The following CCDC38 variants were observed in gnomAD, a reference collection of about 807,000 sequenced individuals.
CCDC38 encodes the protein coiled-coil domain-containing protein 38.
Under a neutral mutation model 72.8 loss-of-function variants are expected in CCDC38, and 69 were observed. That is an observed-to-expected ratio of 0.95 (90% CI 0.78 to 1.16). The LOEUF (loss-of-function observed/expected upper bound fraction) is 1.16, where lower values mean the gene tolerates loss of function less well. CCDC38 is among the 50% of genes most tolerant of loss of function. CCDC38 has a pLI of 0.00. For synonymous variants in CCDC38, 201 were observed against 213.2 expected (o/e 0.94, Z 0.50); for missense variants, 626 against 638.9 (o/e 0.98, Z 0.22).
intron 1 of CCDC38, among the ~76,000 whole-genome samples, chr12:95,941,202 C>A (rs1258925000): frequency 6.6e-6 from 1 of 152,150 alleles, no homozygotes; most frequent in African/African-American, 2.4e-5. Context: ...AATATAATTT[C>A]TTTTAGACTC....
chr12:95,903,607 T>C (rs778583102), intron 5 of CCDC38: 17 of 564,854 alleles, frequency 3.0e-5, no homozygotes, highest in Non-Finnish European at 5.4e-5. Context: ...GAATGAATTT[T>C]GGATATTGTT....
At position 95,881,524 on chromosome 12, in the gene CCDC38, A is replaced by G. The variant is rs779903172; in HGVS notation, c.951T>C (p.Ser317=). ...NLAESFGSED[S]LEFLLDDEMD... The stretch of plus-strand genomic sequence containing the variant: ...TTTCATCATCTAAAAGGAATTCCAA[A>G]CTGTCTTCTGAACCGAAACTTTCAG... The change falls in exon 11 of 16, where the codon AGT becomes AGC. Residue 317 remains serine (S), a synonymous_variant. Coordinates refer to ENST00000344280, the MANE Select transcript of CCDC38 (RefSeq NM_182496.3). The G allele has an allele frequency of 1.2e-6, 2 of 1,610,126 alleles. No individual in the cohort carries two copies. The highest frequency in any genetic ancestry group is 1.7e-6 in the Non-Finnish European group (2 of 1,178,106).
intron 2 of CCDC38, among the ~76,000 whole-genome samples, chr12:95,922,686 C>T (rs770065698): frequency 6.6e-6 from 1 of 152,096 alleles, no homozygotes; most frequent in Non-Finnish European, 1.5e-5. Flanking sequence ...TGAAATATGT[C>T]AAGGCAGCAC....
chr12:95,929,608 A>G (rs1356198766), intron 2 of CCDC38, among the ~76,000 whole-genome samples: 1 of 152,174 alleles, frequency 6.6e-6, no homozygotes, highest in Non-Finnish European at 1.5e-5. Context: ...TAAAATCTCT[A>G]CTGACCAAGG....
At chr12:95,869,200 C>G (rs955950057) in intron 15 of CCDC38, among the ~76,000 whole-genome samples, 8 of 151,732 alleles carry the variant, frequency 5.3e-5, no homozygotes, top group Non-Finnish European at 1.2e-4. Flanking sequence ...TAATCTATTC[C>G]AAAAAACAAG....
At chr12:95,901,171 T>C (rs2079946434) in intron 5 of CCDC38, among the ~76,000 whole-genome samples, 1 of 152,184 alleles carries the variant, frequency 6.6e-6, no homozygotes, top group Admixed American at 6.5e-5. Context: ...ATGGATATAT[T>C]TTGAAAAAGA....
In CCDC38 at chr12:95,881,515, G is replaced by T; in HGVS notation, c.960C>A (p.Phe320Leu). 6.2e-7 allele frequency: 1 copy of T among 1,609,502 alleles called. No individual in the cohort carries two copies. The highest frequency in any genetic ancestry group is 8.5e-7 in the Non-Finnish European group (1 of 1,177,812). The stretch of plus-strand genomic sequence containing the variant: ...CAACGTCCATTTCATCATCTAAAAG[G>T]AATTCCAAACTGTCTTCTGAACCGA... ...ESFGSEDSLE[F>L]LLDDEMDVDL... The change falls in exon 11 of 16, where the codon TTC (phenylalanine) becomes TTA (leucine). Residue 320 changes from phenylalanine (F) to leucine (L), a missense_variant. Phe to Leu is a conservative substitution (Grantham distance 22, BLOSUM62 0). Coordinates refer to ENST00000344280, the MANE Select transcript of CCDC38 (RefSeq NM_182496.3).
rs118134418 is a variant in CCDC38, at chr12:95,881,493, C to T, written c.982G>A (p.Val328Ile). 526 of 1,606,664 alleles carry T rather than the reference C, an allele frequency of 3.3e-4. 1 individual carries two copies. Among genetic ancestry groups the T allele is most frequent in the Non-Finnish European group, 4.3e-4 (500 of 1,176,048 alleles). Reference protein sequence around the residue: ...LEFLLDDEMDVDLEPALYFKE... With the variant: ...LEFLLDDEMDIDLEPALYFKE... ...AAATATAATCTGGTTACCAAATCAACGTCCATTTCATCATCTAAAAGGAAT... is the reference window on the plus strand; with the variant it reads ...AAATATAATCTGGTTACCAAATCAATGTCCATTTCATCATCTAAAAGGAAT... The change falls in exon 11 of 16, where the codon GTT (valine) becomes ATT (isoleucine). Residue 328 changes from valine to isoleucine, a missense_variant. Coordinates refer to ENST00000344280, the MANE Select transcript of CCDC38 (RefSeq NM_182496.3).
intron 5 of CCDC38, among the ~76,000 whole-genome samples, chr12:95,901,528 C>T (rs941986399): frequency 6.6e-6 from 1 of 152,002 alleles, no homozygotes; most frequent in Non-Finnish European, 1.5e-5. Flanking sequence ...GTAGACAGAG[C>T]AAAGGGTAAG....
chr12:95,900,849 T>G (rs948564354), intron 5 of CCDC38, among the ~76,000 whole-genome samples: 1 of 152,220 alleles, frequency 6.6e-6, no homozygotes, highest in Non-Finnish European at 1.5e-5. Context: ...CAGAACTATA[T>G]TTTTGAGATT....
intron 10 of CCDC38, among the ~76,000 whole-genome samples, chr12:95,885,976 T>C (rs2079754551): frequency 6.6e-6 from 1 of 152,188 alleles, no homozygotes; most frequent in African/African-American, 2.4e-5. Flanking sequence ...TATTTACACC[T>C]TTTAATGAGT....
intron 5 of CCDC38, chr12:95,903,426 C>A: frequency 1.4e-6 from 1 of 699,342 alleles, no homozygotes; most frequent in Non-Finnish European, 2.6e-6. Context: ...AGAACACTGA[C>A]AAAAAGAAGT....
At position 95,867,791 on chromosome 12, in the gene CCDC38, C is replaced by CT. The variant is rs201230150; in HGVS notation, c.1579-603dup. ...TTTACTTTTGGGATTCCCTCCTCCACTTTTTATTTTGTTTTGCTTTTATAG... is the reference window on the plus strand; with the variant it reads ...TTTACTTTTGGGATTCCCTCCTCCACTTTTTTATTTTGTTTTGCTTTTATAG... On this transcript the variant is annotated intron_variant, in intron 15 of 15. Transcript: ENST00000344280. Among the ~76,000 whole-genome samples, 86 of 152,190 alleles carry CT rather than the reference C, an allele frequency of 5.7e-4. No homozygotes were observed. The East Asian group carries it at 0.013, about 23-fold the overall frequency.
intron 4 of CCDC38, among the ~76,000 whole-genome samples, chr12:95,906,661 C>T (rs1427730988): frequency 6.6e-6 from 1 of 152,040 alleles, no homozygotes; most frequent in Non-Finnish European, 1.5e-5. Flanking sequence ...CCAGAAACCT[C>T]ATTAGCCACT....
chr12:95,920,985 G>A (rs751792769), intron 2 of CCDC38, among the ~76,000 whole-genome samples: 17 of 151,894 alleles, frequency 1.1e-4, no homozygotes, highest in Admixed American at 3.3e-4. Flanking sequence ...AAAATTAGCC[G>A]GGTGTGGTGG....
intron 2 of CCDC38, among the ~76,000 whole-genome samples, chr12:95,925,323 C>G (rs1243298514): frequency 1.3e-5 from 2 of 152,042 alleles, no homozygotes. Flanking sequence ...GAGTTCACTC[C>G]TGATTTGGTC....
chr12:95,905,170 TTTG>T (rs751774981), intron 5 of CCDC38, among the ~76,000 whole-genome samples: 7 of 152,344 alleles, frequency 4.6e-5, no homozygotes, highest in Non-Finnish European at 7.3e-5. Flanking sequence ...TTTGTATTAT[TTTG>T]TTGTTATTTT....
intron 4 of CCDC38, among the ~76,000 whole-genome samples, chr12:95,916,884 A>G (rs1168013242): frequency 1.3e-5 from 2 of 152,150 alleles, no homozygotes; most frequent in Non-Finnish European, 2.9e-5. Context: ...TTAATACTAC[A>G]TTCTTTTGGC....
chr12:95,895,399 C>T (rs1445520774), intron 7 of CCDC38, among the ~76,000 whole-genome samples: 2 of 123,124 alleles, frequency 1.6e-5, no homozygotes, highest in Non-Finnish European at 3.3e-5. Flanking sequence ...TTTTACTCGA[C>T]TTGTTTATTA....
Sources: gnomAD v4.1 joint callset for allele counts (sites outside exome capture counted in the v4.1 genomes callset) on GRCh38, gnomAD v4.1.1 for gene constraint, MANE v1.5 for transcripts, NCBI Gene and HGNC (gene_info 2026-07-23, HGNC 2026-07-21) for gene names.